The following SKOR1 variants were observed in gnomAD, a reference collection of about 807,000 sequenced individuals.
The protein encoded by SKOR1 is SKI family transcriptional corepressor 1.
A neutral mutation model predicts 72.4 loss-of-function variants in SKOR1; 38 were observed. The ratio of observed to expected loss-of-function variants is 0.52; its 90% CI spans 0.40 to 0.69. SKOR1 has a LOEUF of 0.69. SKOR1 is among the 30% of genes least tolerant of loss of function. The probability of loss-of-function intolerance (pLI) is 0.00; values close to 1 mark genes in which losing one functional copy is unlikely to be tolerated. For synonymous variants in SKOR1, 642 were observed against 599.4 expected, an observed-to-expected ratio of 1.07 and a Z score of -1.04; for missense variants, 1,320 against 1,343.2, an observed-to-expected ratio of 0.98 and a Z score of 0.27.
Position 67,827,861 on chromosome 15 carries a change from C to A in SKOR1, c.2033C>A (p.Thr678Asn), listed in dbSNP as rs763688170. ...GACGACGAGGACGCCCAAGAGGAGA[C>A]CGAGCCCAGCGCACCCAGCGCAGGG... The part of the protein sequence containing the change: ...FPDDEDAQEE[T>N]EPSAPSAGGG... Residue 678 changes from threonine (T) to asparagine (N), a missense_variant, in exon 2 of 9, where the codon ACC (threonine) becomes AAC (asparagine). Transcript: ENST00000380035. 1 of 1,600,816 alleles carries A rather than the reference C, an allele frequency of 6.2e-7. No homozygotes were observed. Among genetic ancestry groups the A allele is most frequent in the East Asian group, 2.3e-5 (1 of 44,376 alleles).
At position 67,826,890 on chromosome 15, in the gene SKOR1, T is replaced by G; in HGVS notation, c.1062T>G (p.Ala354=). The change falls in exon 2 of 9, where the codon GCT becomes GCG. Residue 354 remains alanine, a synonymous_variant. Transcript: ENST00000380035. The stretch of plus-strand genomic sequence containing the variant: ...GCGGACTTGGCCTGGCGACTGGAGC[T>G]AGTGGCCCGGCGGGCCCAGGAGGGC... ...PQRGLGLATG[A]SGPAGPGGPG... is the part of the protein sequence containing the mutation. 1.3e-6 allele frequency: 2 copies of G among 1,549,698 alleles called. No homozygotes were observed. Among genetic ancestry groups the G allele is most frequent in the Non-Finnish European group, 1.7e-6 (2 of 1,153,536 alleles).
Position 67,825,653 on chromosome 15 carries a change from A to G in SKOR1, c.51A>G (p.Ser17=). ...AAGTCACTCTGCGTATCTGGGTTTC[A>G]CTTCCTTCCCAATCCGAAAACGGGA... ...LGQVTLRIWV[S]LPSQSENGIG... is the part of the protein sequence containing the mutation. The change falls in exon 1 of 9, where the codon TCA becomes TCG. Residue 17 remains serine (S), a synonymous_variant. Transcript: ENST00000380035. The surrounding 1 kb of genome is among the most constrained non-coding windows in gnomAD (Gnocchi z 5.6). 1.4e-6 allele frequency: 1 copy of G among 720,934 alleles called. No homozygotes were observed. Among genetic ancestry groups the G allele is most frequent in the Non-Finnish European group, 2.6e-6 (1 of 387,422 alleles). The allele number at this position is 720,934 out of a possible 1,614,324, so 44.7% of individuals were successfully genotyped here. A position where few individuals can be genotyped will look rare whatever the true frequency, so the allele number is the denominator to read the frequency against.
rs1057304859 is a variant in SKOR1, at chr15:67,834,082, T to A, written c.*246T>A. 3.6e-6 allele frequency: 2 copies of A among 555,994 alleles called. No homozygotes were observed. Among genetic ancestry groups the A allele is most frequent in the African/African-American group, 3.8e-5 (2 of 52,822 alleles). The allele number at this position is 555,994 out of a possible 1,614,324, so 34.4% of individuals were successfully genotyped here. ...TCGCGCCTCAAATCCCCCTACCCCG[T>A]GTGAACTCTAGGGCATCGGACCTCA... On this transcript the variant is annotated 3_prime_UTR_variant, in exon 9 of 9. Coordinates refer to ENST00000380035, the MANE Select transcript of SKOR1 (RefSeq NM_001365915.1). The surrounding 1 kb of genome is among the most constrained non-coding windows in gnomAD (Gnocchi z 5.8).
chr15:67,826,581 C>A lies in SKOR1; in HGVS notation c.753C>A (p.Leu251=). ...ACTCCTGGCGTCGTCACCTCAAACT[C>A]AGTGACAAGTCGGCCACAGACGAAC... ...NFNSWRRHLK[L]SDKSATDELS... Residue 251 remains leucine (L), a synonymous_variant, in exon 2 of 9, where the codon CTC becomes CTA. Transcript: ENST00000380035. 1 of 1,614,064 alleles carries A rather than the reference C, an allele frequency of 6.2e-7. No individual in the cohort carries two copies. The highest frequency in any genetic ancestry group is 1.1e-5 in the South Asian group (1 of 91,078).
In SKOR1 at chr15:67,825,895, T is replaced by A; in HGVS notation, c.108-41T>A. On this transcript the variant is annotated intron_variant, in intron 1 of 8. Transcript: ENST00000380035. The surrounding 1 kb of genome is among the most constrained non-coding windows in gnomAD (Gnocchi z 5.6). ...CGGGCCCGAGCCTCGGCGGCGGCGC[T>A]GAAAATGGCTCATCTGCTCTCTGCT... The A allele has an allele frequency of 6.6e-7, 1 of 1,509,632 alleles. No homozygotes were observed. The highest frequency in any genetic ancestry group is 8.8e-7 in the Non-Finnish European group (1 of 1,135,284). 93.5% of individuals were successfully genotyped at this position (1,509,632 alleles called of 1,614,324 possible). A position where few individuals can be genotyped will look rare whatever the true frequency, so the allele number is the denominator to read the frequency against.
chr15:67,830,760 C>G, intron 4 of SKOR1, 58 bp from the exon 5 acceptor site: 1 of 1,558,796 alleles, frequency 6.4e-7, no homozygotes, highest in South Asian at 1.1e-5. Flanking sequence ...AAGCTCACCC[C>G]TCCCCTCTCA....
Position 67,834,191 on chromosome 15 carries a change from G to C in SKOR1, c.*355G>C, listed in dbSNP as rs2091030897. On this transcript the variant is annotated 3_prime_UTR_variant, in exon 9 of 9. Transcript: ENST00000380035. This position sits in a 1 kb window ranked among gnomAD's most constrained non-coding sequence, Gnocchi z 5.8. ...CCTTGAACCCGATTGTGAATACAAT[G>C]TAGCAACTTCGCTGGCGCCTGCCCC... The C allele has an allele frequency of 8.6e-6, 3 of 350,038 alleles. No homozygotes were observed. In the East Asian group the frequency reaches 1.8e-4, roughly 21 times the overall value. 21.7% of individuals were successfully genotyped at this position (350,038 alleles called of 1,614,324 possible).
At position 67,828,006 on chromosome 15, in the gene SKOR1, C is replaced by G. The variant is rs1401129379; in HGVS notation, c.2178C>G (p.Pro726=). ...SPRPRRRLGP[P]PAGRPAFGDL... is the part of the protein sequence containing the mutation. Reference sequence around the variant, plus strand: ...GCCCCCGGCGCCGCCTCGGGCCACCCCCAGCTGGCCGGCCCGCATTTGGGG... The same window carrying G: ...GCCCCCGGCGCCGCCTCGGGCCACCGCCAGCTGGCCGGCCCGCATTTGGGG... Residue 726 remains proline (P), a synonymous_variant, in exon 2 of 9, where the codon CCC becomes CCG. Transcript: ENST00000380035. 6.5e-7 allele frequency: 1 copy of G among 1,539,834 alleles called. No individual in the cohort carries two copies. Among genetic ancestry groups the G allele is most frequent in the Non-Finnish European group, 8.7e-7 (1 of 1,144,640 alleles).
intron 2 of SKOR1, 96 bp from the exon 3 acceptor site, chr15:67,829,083 C>A (rs1597017735): frequency 8.7e-7 from 1 of 1,153,298 alleles, no homozygotes; most frequent in East Asian, 2.6e-5. Flanking sequence ...TTTGCCACTC[C>A]GTCGGCTTTC....
chr15:67,828,527 A>C (rs1418308274), intron 2 of SKOR1, among the ~76,000 whole-genome samples: 1 of 152,214 alleles, frequency 6.6e-6, no homozygotes, highest in Non-Finnish European at 1.5e-5. Flanking sequence ...TGGGCATCAG[A>C]GCCCCAAGGA....
rs761545878 is a variant in SKOR1 at position 67,826,791 on chromosome 15, G to A, written c.963G>A (p.Pro321=). 6.5e-7 allele frequency: 1 copy of A among 1,531,702 alleles called. No individual in the cohort carries two copies. The allele number at this position is 1,531,702 out of a possible 1,614,324, so 94.9% of individuals were successfully genotyped here. A position where few individuals can be genotyped will look rare whatever the true frequency, so the allele number is the denominator to read the frequency against. ...GTGCAGAGATGGCCCCAGGCCCGCC[G>A]CCCCACAAAAGCCTGCGCTGTGGCG... ...GCGAEMAPGP[P]PHKSLRCGED... is the part of the protein sequence containing the mutation. The change falls in exon 2 of 9, where the codon CCG becomes CCA. Residue 321 remains proline (P), a synonymous_variant. Coordinates refer to ENST00000380035, the MANE Select transcript of SKOR1 (RefSeq NM_001365915.1).
chr15:67,826,213 C>T lies in SKOR1; in HGVS notation c.385C>T (p.Gln129Ter). 6.2e-7 allele frequency: 1 copy of T among 1,613,312 alleles called. No individual in the cohort carries two copies. Among genetic ancestry groups the T allele is most frequent in the East Asian group, 2.2e-5 (1 of 44,880 alleles). ...CGTGGCCCTGGGCATCACGTGCGTG[C>T]AGTGCACGCCGGTACAGCTGGAGAT... Reference protein sequence around the residue: ...RRVALGITCVQCTPVQLEILR... With the variant: ...RRVALGITCV Residue 129 changes from glutamine to a stop codon, truncating the protein, a stop_gained, in exon 2 of 9, where the codon CAG becomes TAG. Transcript: ENST00000380035. LOFTEE classifies it high-confidence loss of function.
intron 4 of SKOR1, 27 bp from the exon 5 acceptor site, chr15:67,830,790 AC>A: frequency 6.2e-7 from 1 of 1,612,712 alleles, no homozygotes; most frequent in Non-Finnish European, 8.5e-7. Context: ...CTAGGACAGA[AC>A]CCCTCTTACC....
At chr15:67,831,912 G>T (rs1275386434) in intron 5 of SKOR1, among the ~76,000 whole-genome samples, 1 of 142,800 alleles carries the variant, frequency 7.0e-6, no homozygotes, top group Non-Finnish European at 1.5e-5. Flanking sequence ...GCGGGGGGGG[G>T]AGGTCGGGGC....
At chr15:67,830,930 G>T (rs2091003967) in intron 5 of SKOR1, 41 bp downstream of exon 5, 1 of 1,589,300 alleles carries the variant, frequency 6.3e-7, no homozygotes, top group African/African-American at 1.3e-5. Context: ...CTGTGCTTGA[G>T]AGTGATGGGT....
chr15:67,826,592 C>T lies in SKOR1; in HGVS notation c.764C>T (p.Ser255Leu). The change falls in exon 2 of 9, where the codon TCG becomes TTG. Residue 255 changes from serine to leucine, a missense_variant. Ser to Leu is a moderately radical substitution (Grantham distance 145). This residue lies in a region of SKOR1 where 1,099 missense variants were observed against 1,025.5 expected (regional missense o/e 1.07). Coordinates refer to ENST00000380035, the MANE Select transcript of SKOR1 (RefSeq NM_001365915.1). ...WRRHLKLSDK[S>L]ATDELSHAWE... is the part of the protein sequence containing the mutation. Reference sequence around the variant, plus strand: ...CGTCACCTCAAACTCAGTGACAAGTCGGCCACAGACGAACTGAGCCATGCT... The same window carrying T: ...CGTCACCTCAAACTCAGTGACAAGTTGGCCACAGACGAACTGAGCCATGCT... The T allele has an allele frequency of 6.2e-7, 1 of 1,613,924 alleles. No individual in the cohort carries two copies. Among genetic ancestry groups the T allele is most frequent in the Non-Finnish European group, 8.5e-7 (1 of 1,179,976 alleles).
In SKOR1 at chr15:67,830,211, C is replaced by T. The variant is rs750867476; in HGVS notation, c.2428C>T (p.His810Tyr). The T allele has an allele frequency of 5.6e-6, 9 of 1,614,184 alleles. No individual in the cohort carries two copies. The highest frequency in any genetic ancestry group is 7.6e-6 in the Non-Finnish European group (9 of 1,180,022). ...TCAAGAGCCAGATAAGGAAGACAATCACTCGCCCGCCGATGATTTGGAAAC... is the reference window on the plus strand; with the variant it reads ...TCAAGAGCCAGATAAGGAAGACAATTACTCGCCCGCCGATGATTTGGAAAC... ...EAHEPDKEDN[H>Y]SPADDLETRK... The change falls in exon 4 of 9, where the codon CAC becomes TAC. Residue 810 changes from histidine (H) to tyrosine (Y), a missense_variant. Coordinates refer to ENST00000380035, the MANE Select transcript of SKOR1 (RefSeq NM_001365915.1).
Position 67,827,005 on chromosome 15 carries a change from T to C in SKOR1, c.1177T>C (p.Phe393Leu). Reference protein sequence around the residue: ...GLLQKLPPPLFPHPYGFPTAF... With the variant: ...GLLQKLPPPLLPHPYGFPTAF... Reference sequence around the variant, plus strand: ...CCTGCAAAAGCTGCCCCCACCACTTTTCCCCCATCCTTACGGCTTCCCTAC... The same window carrying C: ...CCTGCAAAAGCTGCCCCCACCACTTCTCCCCCATCCTTACGGCTTCCCTAC... Residue 393 changes from phenylalanine (F) to leucine (L), a missense_variant, in exon 2 of 9, where the codon TTC (phenylalanine) becomes CTC (leucine). By Grantham distance (22) the Phe-to-Leu change is conservative. Transcript: ENST00000380035. 1 of 1,594,982 alleles carries C rather than the reference T, an allele frequency of 6.3e-7. No individual in the cohort carries two copies. Among genetic ancestry groups the C allele is most frequent in the East Asian group, 2.2e-5 (1 of 44,504 alleles).
At chr15:67,831,800 C>A (rs1445452043) in intron 5 of SKOR1, among the ~76,000 whole-genome samples, 2 of 151,970 alleles carry the variant, frequency 1.3e-5, no homozygotes, top group Non-Finnish European at 2.9e-5. Flanking sequence ...AGTCTTCAGA[C>A]CTCCTGAAAT....
Sources: allele counts gnomAD v4.1 joint callset (sites outside exome capture counted in the v4.1 genomes callset), GRCh38; gene constraint gnomAD v4.1.1; regional missense constraint gnomAD v4.1.1; non-coding constraint Gnocchi (gnomAD v3.1); transcripts MANE v1.5; gene names NCBI Gene and HGNC (gene_info 2026-07-23, HGNC 2026-07-21).